Variants in PRKN observed in about 807,000 individuals in gnomAD.
The protein encoded by PRKN is parkin RBR E3 ubiquitin protein ligase, also known as E3 ubiquitin-protein ligase parkin.
A neutral mutation model predicts 59.5 loss-of-function variants in PRKN; 56 were observed. That is an observed-to-expected ratio of 0.94 (90% CI 0.76 to 1.18). The LOEUF is 1.18. Ranked by LOEUF, PRKN falls within the 50% of genes most tolerant of loss-of-function variation. PRKN has a pLI of 0.00. For synonymous variants in PRKN, 250 were observed against 222.1 expected, an observed-to-expected ratio of 1.13 and a Z score of -1.12; for missense variants, 657 against 596.4, an observed-to-expected ratio of 1.10 and a Z score of -1.06.
intron 1 of PRKN, among the ~76,000 whole-genome samples, chr6:162,483,942 A>G (rs1429483822): frequency 6.6e-6 from 1 of 152,214 alleles, no homozygotes; most frequent in African/African-American, 2.4e-5. Flanking sequence ...GGAATACCAT[A>G]CATTCTTGAA....
chr6:162,448,613 C>T (rs944229407), intron 1 of PRKN, among the ~76,000 whole-genome samples: 11 of 152,100 alleles, frequency 7.2e-5, no homozygotes, highest in African/African-American at 2.7e-4. Context: ...AGAGGACATA[C>T]TTTTGTAGCT....
chr6:161,749,827 C>T (rs1002953722), intron 7 of PRKN, among the ~76,000 whole-genome samples: 14 of 152,046 alleles, frequency 9.2e-5, no homozygotes, highest in African/African-American at 3.4e-4. Context: ...TACTCCGTTG[C>T]TCCCCACCCA....
At chr6:162,217,779 G>A (rs1777748160) in intron 3 of PRKN, among the ~76,000 whole-genome samples, 1 of 152,106 alleles carries the variant, frequency 6.6e-6, no homozygotes, top group African/African-American at 2.4e-5. Context: ...TTAGCGCAAG[G>A]GAGACAAAAA....
chr6:162,372,625 T>C lies in PRKN; in HGVS notation c.171+70685A>G, dbSNP rs77495506. On this transcript the variant is annotated intron_variant, in intron 2 of 11. Transcript: ENST00000366898. ...TTCGGTGCTATGCTCACTACTTGCG[T>C]TGCAGAATGATTTGAACCCCAAAGC... Among the ~76,000 whole-genome samples the C allele has an allele frequency of 8.2e-3, 1,247 of 152,220 alleles. 19 individuals carry two copies. Among genetic ancestry groups the C allele is most frequent in the African/African-American group, 0.028 (1,168 of 41,532 alleles).
chr6:162,259,537 G>A (rs1219725620), intron 3 of PRKN, among the ~76,000 whole-genome samples: 1 of 152,194 alleles, frequency 6.6e-6, no homozygotes, highest in Non-Finnish European at 1.5e-5. Context: ...CTCTGCTCTA[G>A]TAACTTTACG....
intron 7 of PRKN, among the ~76,000 whole-genome samples, chr6:161,743,567 C>T (rs1272036058): frequency 2.0e-5 from 3 of 151,836 alleles, no homozygotes; most frequent in African/African-American, 7.3e-5. Flanking sequence ...TATCTTATCT[C>T]ACAATGATCA....
chr6:161,835,991 G>A (rs1764989341), intron 6 of PRKN, among the ~76,000 whole-genome samples: 1 of 152,116 alleles, frequency 6.6e-6, no homozygotes, highest in South Asian at 2.1e-4. Flanking sequence ...GCCAGCAAAT[G>A]ACTCTCAGTA....
chr6:161,847,835 T>A (rs929977286), intron 6 of PRKN, among the ~76,000 whole-genome samples: 4 of 152,178 alleles, frequency 2.6e-5, no homozygotes, highest in Non-Finnish European at 5.9e-5. Flanking sequence ...GAATTCACAT[T>A]CTATTTCACA....
rs990745805 is a variant in PRKN, at chr6:161,442,559, G to A, written c.1084-55682C>T. 3.9e-5 allele frequency among the ~76,000 whole-genome samples: 6 copies of A among 152,144 alleles called. No homozygotes were observed. On this transcript the variant is annotated intron_variant, in intron 9 of 11. Transcript: ENST00000366898. The surrounding 1 kb of genome is among the most constrained non-coding windows in gnomAD (Gnocchi z 4.6). The stretch of plus-strand genomic sequence containing the variant: ...AAGGCACTGAATAGCGTGCCGTTCC[G>A]CACCACCAAGCGGAAGGGCAGCACT...
At chr6:161,819,032 T>C (rs968974349) in intron 6 of PRKN, among the ~76,000 whole-genome samples, 4 of 152,232 alleles carry the variant, frequency 2.6e-5, no homozygotes, top group Non-Finnish European at 5.9e-5. Context: ...ACTGCGGTTA[T>C]GTTCTTGAAA....
At chr6:162,317,356 G>A (rs947022570) in intron 2 of PRKN, among the ~76,000 whole-genome samples, 33 of 152,024 alleles carry the variant, frequency 2.2e-4, no homozygotes, top group African/African-American at 8.0e-4. Flanking sequence ...AAGCTCTCCT[G>A]CCTGTCTCCA....
chr6:161,377,976 T>C lies in PRKN; in HGVS notation c.1167+8818A>G, dbSNP rs1222799681. 6.6e-6 allele frequency among the ~76,000 whole-genome samples: 1 copy of C among 151,980 alleles called. No homozygotes were observed. The highest frequency in any genetic ancestry group is 1.9e-4 in the East Asian group (1 of 5,166). The stretch of plus-strand genomic sequence containing the variant: ...ATTGAGTGACAGCAGCCCAAACAGA[T>C]GAGGCAGCAGCTGACAGTGGACTGT... On this transcript the variant is annotated intron_variant, in intron 10 of 11. Coordinates refer to ENST00000366898, the MANE Select transcript of PRKN (RefSeq NM_004562.3). The surrounding 1 kb of genome is among the most constrained non-coding windows in gnomAD (Gnocchi z 4.2).
chr6:162,204,332 C>T (rs1280375368), intron 3 of PRKN, among the ~76,000 whole-genome samples: 1 of 152,126 alleles, frequency 6.6e-6, no homozygotes, highest in Middle Eastern at 3.2e-3. Context: ...GTCCCCTGAC[C>T]ATACCCCTTC....
chr6:162,534,962 C>G (rs971920591), intron 1 of PRKN, among the ~76,000 whole-genome samples: 1 of 143,108 alleles, frequency 7.0e-6, no homozygotes, highest in African/African-American at 2.5e-5. Context: ...TCTTCAATGA[C>G]CAGTCTTCCT....
intron 1 of PRKN, among the ~76,000 whole-genome samples, chr6:162,673,687 A>G (rs1248740935): frequency 6.6e-6 from 1 of 152,286 alleles, no homozygotes; most frequent in East Asian, 1.9e-4. Context: ...CGCCCAGCCT[A>G]GATTTTTTTT....
intron 1 of PRKN, among the ~76,000 whole-genome samples, chr6:162,719,880 G>C (rs1778864591): frequency 6.7e-6 from 1 of 149,592 alleles, no homozygotes; most frequent in African/African-American, 2.5e-5. Context: ...AAAAGAGGGA[G>C]TGCAGGTAGA....
intron 5 of PRKN, among the ~76,000 whole-genome samples, chr6:162,048,395 A>G (rs1777475172): frequency 6.6e-6 from 1 of 151,712 alleles, no homozygotes; most frequent in South Asian, 2.1e-4. Flanking sequence ...GCAGTTGGCT[A>G]AGGGGCACCT....
intron 4 of PRKN, among the ~76,000 whole-genome samples, chr6:162,096,119 G>T (rs548838988): frequency 3.3e-5 from 5 of 152,078 alleles, no homozygotes; most frequent in African/African-American, 1.2e-4. Flanking sequence ...TAACGACAGA[G>T]ATATCTACAC....
intron 6 of PRKN, among the ~76,000 whole-genome samples, chr6:161,862,285 C>T (rs905087075): frequency 6.6e-6 from 1 of 152,188 alleles, no homozygotes; most frequent in East Asian, 1.9e-4. Flanking sequence ...GCACAAGTCT[C>T]CTAGCCTTTT....
Sources: gnomAD v4.1 joint callset for allele counts (sites outside exome capture counted in the v4.1 genomes callset) on GRCh38, gnomAD v4.1.1 for gene constraint, Gnocchi (gnomAD v3.1) non-coding constraint, MANE v1.5 for transcripts, NCBI Gene and HGNC (gene_info 2026-07-23, HGNC 2026-07-21) for gene names.